Variants in FCRLB observed in about 807,000 individuals in gnomAD.
The protein encoded by FCRLB is Fc receptor like B, also known as Fc receptor-like B.
A neutral mutation model predicts 33.6 loss-of-function variants in FCRLB; 34 were observed. The observed-to-expected ratio is 1.01, with a 90% CI of 0.77 to 1.35. The LOEUF (loss-of-function observed/expected upper bound fraction) is 1.35, where lower values mean the gene tolerates loss of function less well. Ranked by LOEUF, FCRLB falls within the 40% of genes most tolerant of loss-of-function variation. The pLI, the probability that FCRLB is intolerant of heterozygous loss-of-function variation, is 0.00. For synonymous variants in FCRLB, 280 were observed against 255.9 expected (o/e 1.09, Z -0.90); for missense variants, 560 against 580.2 (o/e 0.97, Z 0.36).
At chr1:161,727,271 C>A (rs1001831276) in exon 8 of FCRLB, 1 of 1,609,216 alleles carries the variant, frequency 6.2e-7, no homozygotes, top group Non-Finnish European at 8.5e-7. Flanking sequence ...CCGGCCTCCA[C>A]CACCGCCCCA....
exon 6 of FCRLB, chr1:161,725,948 C>T (rs768605279): frequency 6.2e-7 from 1 of 1,614,130 alleles, no homozygotes; most frequent in Non-Finnish European, 8.5e-7. Flanking sequence ...AGGCCGTGCG[C>T]TACTTCCACT....
At position 161,725,847 on chromosome 1, in the gene FCRLB, G is replaced by A. The variant is rs1214952581; in HGVS notation, c.334G>A (p.Ala112Thr). The change falls in exon 6 of 8, where the codon GCG (alanine) becomes ACG (threonine). Residue 112 changes from alanine (A) to threonine (T), a missense_variant. Transcript: ENST00000367948. ...TTGGCTGATTCTGCAAGTGCCCTAT[G>A]CGCCAGTGTTCGAGGGTGAGCCGCT... 6.2e-7 allele frequency: 1 copy of A among 1,612,948 alleles called. No individual in the cohort carries two copies. The highest frequency in any genetic ancestry group is 1.1e-5 in the South Asian group (1 of 90,962).
At chr1:161,727,584 C>T (rs1196376381) in exon 8 of FCRLB, 2 of 1,613,978 alleles carry the variant, frequency 1.2e-6, no homozygotes, top group East Asian at 2.2e-5. Context: ...TCCGGGAGCT[C>T]AGGGGAACGC....
At chr1:161,724,441 A>G (rs930864209) in intron 5 of FCRLB, among the ~76,000 whole-genome samples, 1 of 151,632 alleles carries the variant, frequency 6.6e-6, no homozygotes. Context: ...AAAAAAAAAA[A>G]AAAAAAATAG....
At chr1:161,723,372 C>A in exon 5 of FCRLB, 1 of 1,614,068 alleles carries the variant, frequency 6.2e-7, no homozygotes, top group South Asian at 1.1e-5. Context: ...CCCAGCTACT[C>A]TGGAGAAGCC....
Position 161,727,382 on chromosome 1 carries a change from C to G in FCRLB, c.1001C>G (p.Thr334Ser), listed in dbSNP as rs777472750. 18 of 1,613,570 alleles carry G rather than the reference C, an allele frequency of 1.1e-5. No homozygotes were observed. In the African/African-American group the frequency reaches 2.1e-4, roughly 19 times the overall value. ...CCGTTGGTCACCTCCGTCCGGAACA[C>G]CACCTCCACCGGGCTGCAGTTCCCG... The change falls in exon 8 of 8, where the codon ACC (threonine) becomes AGC (serine). Residue 334 changes from threonine to serine, a missense_variant. Transcript: ENST00000367948.
chr1:161,727,125 C>T, intron 7 of FCRLB, 122 bp from the exon 8 acceptor site: 3 of 1,343,262 alleles, frequency 2.2e-6, no homozygotes, highest in Non-Finnish European at 2.9e-6. Context: ...CCCTTCGCCG[C>T]CCTCCTCCTC....
intron 5 of FCRLB, among the ~76,000 whole-genome samples, chr1:161,724,815 C>T (rs1480988253): frequency 1.3e-5 from 2 of 152,118 alleles, no homozygotes; most frequent in African/African-American, 4.8e-5. Context: ...GCTATGTAAG[C>T]GTGCTATAAT....
At position 161,726,725 on chromosome 1, in the gene FCRLB, G is replaced by C; in HGVS notation, c.597G>C (p.Leu199=). ...TAGAGCTGTTCCGGGCGCCGGTGCT[G>C]AGGGTGATGGGTCCGCGGGAGGCCC... The change falls in exon 7 of 8, where the codon CTG becomes CTC. Residue 199 remains leucine, a synonymous_variant. Coordinates refer to ENST00000367948, the Ensembl canonical transcript of FCRLB. This position sits in a 1 kb window ranked among gnomAD's most constrained non-coding sequence, Gnocchi z 5.2. 1 of 1,596,724 alleles carries C rather than the reference G, an allele frequency of 6.3e-7. No homozygotes were observed. The highest frequency in any genetic ancestry group is 8.5e-7 in the Non-Finnish European group (1 of 1,175,894).
chr1:161,725,774 G>A (rs1484783771), intron 5 of FCRLB, 47 bp from the exon 6 acceptor site: 7 of 1,555,470 alleles, frequency 4.5e-6, no homozygotes, highest in Non-Finnish European at 5.2e-6. Context: ...AGATCTCCAG[G>A]GCTGGACTTT....
chr1:161,723,582 G>T (rs1370365316), exon 5 of FCRLB: 1 of 1,614,072 alleles, frequency 6.2e-7, no homozygotes, highest in African/African-American at 1.3e-5. Flanking sequence ...GACACGGGGA[G>T]CACCCGTCAG....
At position 161,726,109 on chromosome 1, in the gene FCRLB, G is replaced by A. The variant is rs377445918; in HGVS notation, c.574+22G>A. On this transcript the variant is annotated intron_variant, in intron 6 of 7. Transcript: ENST00000367948. This position sits in a 1 kb window ranked among gnomAD's most constrained non-coding sequence, Gnocchi z 5.2. ...CAAGGTGGGAGAGACCAGGGGCCCC[G>A]GGAGGGAGGCAAATGAGCATTGAGA... The A allele has an allele frequency of 2.2e-5, 36 of 1,605,282 alleles. No individual in the cohort carries two copies. The African/African-American group carries it at 3.5e-4, about 15-fold the overall frequency.
chr1:161,723,399 C>T (rs758344159), exon 5 of FCRLB: 1 of 1,614,102 alleles, frequency 6.2e-7, no homozygotes, highest in East Asian at 2.2e-5. Context: ...GTCTCTACAT[C>T]CACCTTGGAC....
intron 7 of FCRLB, 124 bp from the exon 8 acceptor site, chr1:161,727,123 C>T: frequency 2.2e-6 from 3 of 1,341,038 alleles, no homozygotes; most frequent in Non-Finnish European, 2.9e-6. Context: ...TCCCCTTCGC[C>T]GCCCTCCTCC....
intron 4 of FCRLB, among the ~76,000 whole-genome samples, 176 bp downstream of exon 4, chr1:161,723,185 ATGGAC>A (rs754569755): frequency 1.3e-5 from 2 of 152,128 alleles, no homozygotes; most frequent in Non-Finnish European, 1.5e-5. Context: ...GTGCTGGCTG[ATGGAC>A]TGGTAGTCTG....
In FCRLB at chr1:161,727,243, A is replaced by C; in HGVS notation, c.866-4A>C. The C allele has an allele frequency of 1.9e-6, 3 of 1,589,068 alleles. No homozygotes were observed. The highest frequency in any genetic ancestry group is 2.6e-6 in the Non-Finnish European group (3 of 1,166,754). ...GCGCGTGACTGGGCGTAATGCATTC[A>C]CAGGTTCTCCCCTGGACCCGGCCTC... On this transcript the variant is annotated splice_region_variant and splice_polypyrimidine_tract_variant and intron_variant, in intron 7 of 7. Transcript: ENST00000367948.
At position 161,723,506 on chromosome 1, in the gene FCRLB, C is replaced by A. The variant is rs777301346; in HGVS notation, c.192C>A (p.Gly64=). ...CCATCAGCACTCTCTGGTATTTGGG[C>A]CACCTACTTCTGCCCTCTCACAAGA... The change falls in exon 5 of 8, where the codon GGC becomes GGA. Residue 64 remains glycine, a synonymous_variant. Transcript: ENST00000367948. 1.8e-5 allele frequency: 29 copies of A among 1,614,184 alleles called. 1 individual carries two copies. In the South Asian group the frequency reaches 3.1e-4, roughly 17 times the overall value.
intron 5 of FCRLB, among the ~76,000 whole-genome samples, chr1:161,724,167 C>A (rs772828919): frequency 9.9e-5 from 15 of 152,170 alleles, no homozygotes; most frequent in Non-Finnish European, 1.6e-4. Flanking sequence ...AGCAATTGAA[C>A]TGAGCACTTA....
intron 3 of FCRLB, 137 bp from the exon 4 acceptor site, chr1:161,722,852 C>G: frequency 6.7e-7 from 1 of 1,497,094 alleles, no homozygotes; most frequent in Non-Finnish European, 9.2e-7. Flanking sequence ...GGGGCTTTCT[C>G]AGAGCTTGGG....
Sources: allele counts gnomAD v4.1 joint callset (sites outside exome capture counted in the v4.1 genomes callset), GRCh38; gene constraint gnomAD v4.1.1; non-coding constraint Gnocchi (gnomAD v3.1); transcripts MANE v1.5; gene names NCBI Gene and HGNC (gene_info 2026-07-23, HGNC 2026-07-21).